The following PDE4B variants were observed in gnomAD, a reference collection of about 807,000 sequenced individuals.
The protein encoded by PDE4B is phosphodiesterase 4B, also known as 3',5'-cyclic-AMP phosphodiesterase 4B.
In PDE4B, 20 loss-of-function variants were observed where a neutral mutation model predicts 82.2. The observed-to-expected ratio is 0.24, with a 90% CI of 0.17 to 0.35. The LOEUF (loss-of-function observed/expected upper bound fraction) is 0.35, where lower values mean the gene tolerates loss of function less well. Among genes scored for constraint, PDE4B ranks in the 10% least tolerant of loss-of-function variants. The pLI is 1.00. For missense variants in PDE4B, 655 were observed against 907.2 expected, an observed-to-expected ratio of 0.72 and a Z score of 3.57; for synonymous variants, 320 against 318.9, an observed-to-expected ratio of 1.00 and a Z score of -0.04.
intron 3 of PDE4B, among the ~76,000 whole-genome samples, chr1:66,098,094 T>C (rs1289802962): frequency 6.6e-6 from 1 of 152,106 alleles, no homozygotes; most frequent in Admixed American, 6.6e-5. Flanking sequence ...ACTAACTCTA[T>C]GTAAGCTCTG....
intron 1 of PDE4B, among the ~76,000 whole-genome samples, chr1:65,907,784 C>A (rs1177538196): frequency 6.6e-6 from 1 of 152,114 alleles, no homozygotes; most frequent in Non-Finnish European, 1.5e-5. Flanking sequence ...ACCAATGCCT[C>A]ATTATATTAT....
At chr1:66,025,189 T>C (rs567791078) in intron 3 of PDE4B, among the ~76,000 whole-genome samples, 26 of 152,204 alleles carry the variant, frequency 1.7e-4, no homozygotes, top group African/African-American at 6.0e-4. Flanking sequence ...AAGAACATAT[T>C]AGAACTCACC....
intron 7 of PDE4B, among the ~76,000 whole-genome samples, chr1:66,272,378 T>G (rs1009469076): frequency 2.0e-5 from 3 of 152,190 alleles, no homozygotes; most frequent in African/African-American, 7.2e-5. Context: ...TTAGAACCCA[T>G]TTCTCTCTTC....
At chr1:65,920,873 A>G (rs1647223447) in intron 3 of PDE4B, among the ~76,000 whole-genome samples, 1 of 151,952 alleles carries the variant, frequency 6.6e-6, no homozygotes, top group South Asian at 2.1e-4. Flanking sequence ...TTTTATTTCA[A>G]TTAACAGGAT....
rs990193500 is a variant in PDE4B, at chr1:65,822,184, T to C, written c.-71+28936T>C. On this transcript the variant is annotated intron_variant, in intron 1 of 16. Coordinates refer to ENST00000341517, the MANE Select transcript of PDE4B (RefSeq NM_002600.4). Reference sequence around the variant, plus strand: ...GACCTGCCTTTTTTATTCTCTATTATAGTTTTAATATTTATTCATGCTGAT... The same window carrying C: ...GACCTGCCTTTTTTATTCTCTATTACAGTTTTAATATTTATTCATGCTGAT... Among the ~76,000 whole-genome samples the C allele has an allele frequency of 2.0e-5, 3 of 152,214 alleles. No homozygotes were observed. The East Asian group carries it at 5.8e-4, about 29-fold the overall frequency.
intron 7 of PDE4B, among the ~76,000 whole-genome samples, chr1:66,296,838 T>G (rs1312448700): frequency 1.3e-5 from 2 of 152,216 alleles, no homozygotes; most frequent in African/African-American, 2.4e-5. Flanking sequence ...GTATGTATGA[T>G]GTGCATAATA....
In PDE4B at chr1:66,372,657, C is replaced by T. The variant is rs1379240076; in HGVS notation, c.2190C>T (p.Asp730=). 22 of 1,612,998 alleles carry T rather than the reference C, an allele frequency of 1.4e-5. No homozygotes were observed. The highest frequency in any genetic ancestry group is 1.8e-5 in the Non-Finnish European group (21 of 1,179,202). The part of the protein sequence containing the change: ...GETDIDIATE[D]KSPVDT The stretch of plus-strand genomic sequence containing the variant: ...CTGACATAGACATTGCAACAGAAGA[C>T]AAGTCCCCCGTGGATACATAATCCC... Residue 730 remains aspartate, a synonymous_variant, in exon 17 of 17, where the codon GAC becomes GAT. Transcript: ENST00000341517.
chr1:66,258,429 C>T (rs1654425418), intron 6 of PDE4B, among the ~76,000 whole-genome samples: 1 of 152,176 alleles, frequency 6.6e-6, no homozygotes. Context: ...AGGGTTTGAA[C>T]TTTATATTCC....
intron 3 of PDE4B, among the ~76,000 whole-genome samples, chr1:66,086,852 A>G (rs1006439721): frequency 5.9e-5 from 9 of 152,296 alleles, no homozygotes; most frequent in South Asian, 4.1e-4. Flanking sequence ...TAACACCAAT[A>G]TAGTGTGACA....
intron 3 of PDE4B, among the ~76,000 whole-genome samples, chr1:66,187,227 C>T (rs567399564): frequency 2.4e-4 from 37 of 151,902 alleles, no homozygotes; most frequent in African/African-American, 8.0e-4. Context: ...CTGCTGGATT[C>T]AGTTTGCCAG....
intron 7 of PDE4B, chr1:66,332,224 G>C: frequency 6.9e-7 from 1 of 1,442,972 alleles, no homozygotes; most frequent in Non-Finnish European, 9.0e-7. Flanking sequence ...ATAAGAGACC[G>C]TTCCCTCCGC....
chr1:65,974,956 G>A (rs1650332524), intron 3 of PDE4B, among the ~76,000 whole-genome samples: 1 of 152,134 alleles, frequency 6.6e-6, no homozygotes, highest in African/African-American at 2.4e-5. Context: ...CTGGGGGAGT[G>A]GGGCACTCTT....
rs772876311 is a variant in PDE4B, at chr1:66,373,902, T to C, written c.*1224T>C. 1 of 152,648 alleles carries C rather than the reference T, an allele frequency of 6.6e-6. No homozygotes were observed. Among genetic ancestry groups the C allele is most frequent in the Non-Finnish European group, 1.5e-5 (1 of 68,050 alleles). The allele number at this position is 152,648 out of a possible 1,614,324, so 9.5% of individuals were successfully genotyped here. On this transcript the variant is annotated 3_prime_UTR_variant, in exon 17 of 17. Coordinates refer to ENST00000341517, the MANE Select transcript of PDE4B (RefSeq NM_002600.4). ...CTTTCCCTGCCTGAGTTGCTACTTCTGCACAACCCCTTTATGAACCAGTTT... is the reference window on the plus strand; with the variant it reads ...CTTTCCCTGCCTGAGTTGCTACTTCCGCACAACCCCTTTATGAACCAGTTT...
chr1:66,229,740 C>T (rs12136401), intron 3 of PDE4B, among the ~76,000 whole-genome samples: 61,784 of 151,950 alleles, frequency 0.41, 15,051 homozygotes, highest in Non-Finnish European at 0.56. Flanking sequence ...ATCCTGTGCT[C>T]GTGTGGCTAA....
At chr1:66,258,338 C>A (rs78957931) in intron 6 of PDE4B, among the ~76,000 whole-genome samples, 5,030 of 152,262 alleles carry the variant, frequency 0.033, 213 homozygotes, top group East Asian at 0.23. Flanking sequence ...GGATTATCTT[C>A]TCCTCCACCT....
At chr1:65,810,244 C>T (rs1456138363) in intron 1 of PDE4B, among the ~76,000 whole-genome samples, 1 of 152,192 alleles carries the variant, frequency 6.6e-6, no homozygotes, top group Non-Finnish European at 1.5e-5. Flanking sequence ...TTTATTTTGA[C>T]CTAAGTACCT....
At chr1:66,045,945 A>G (rs886182878) in intron 3 of PDE4B, among the ~76,000 whole-genome samples, 6 of 151,802 alleles carry the variant, frequency 4.0e-5, no homozygotes, top group African/African-American at 1.4e-4. Flanking sequence ...GAACCATACC[A>G]CAAATGAGAC....
At chr1:66,037,376 A>G (rs1044550372) in intron 3 of PDE4B, among the ~76,000 whole-genome samples, 4 of 152,110 alleles carry the variant, frequency 2.6e-5, no homozygotes, top group African/African-American at 9.7e-5. Context: ...TTTTGATGCT[A>G]TTATAAATAG....
intron 1 of PDE4B, among the ~76,000 whole-genome samples, chr1:65,825,689 A>T (rs1028903803): frequency 2.1e-5 from 3 of 146,042 alleles, no homozygotes; most frequent in African/African-American, 7.9e-5. Flanking sequence ...CTAAAAAAAA[A>T]TTAAAAACAA....
Sources: allele counts gnomAD v4.1 joint callset (sites outside exome capture counted in the v4.1 genomes callset), GRCh38; gene constraint gnomAD v4.1.1; transcripts MANE v1.5; gene names NCBI Gene and HGNC (gene_info 2026-07-23, HGNC 2026-07-21).